The following MTMR10 variants were observed in gnomAD, a reference collection of about 807,000 sequenced individuals.
The protein encoded by MTMR10 is myotubularin related protein 10.
In MTMR10, 56 loss-of-function variants were observed where a neutral mutation model predicts 88.1. The observed-to-expected ratio is 0.64, with a 90% CI of 0.51 to 0.79. MTMR10 has a LOEUF of 0.79. MTMR10 is among the 30% of genes least tolerant of loss of function. The pLI, the probability that MTMR10 is intolerant of heterozygous loss-of-function variation, is 0.00. For synonymous variants in MTMR10, 380 were observed against 340.9 expected (o/e 1.11, Z -1.26); for missense variants, 883 against 924.7 (o/e 0.95, Z 0.58).
chr15:30,948,167 T>C, intron 13 of MTMR10, 135 bp downstream of exon 13: 1 of 708,006 alleles, frequency 1.4e-6, no homozygotes, highest in Middle Eastern at 3.4e-4. Context: ...CTCTAATCCA[T>C]TAGTTAGCTT....
intron 2 of MTMR10, among the ~76,000 whole-genome samples, chr15:30,983,630 AG>A (rs1293981907): frequency 1.3e-5 from 2 of 152,208 alleles, no homozygotes; most frequent in Admixed American, 1.3e-4. Flanking sequence ...GGATGTGTAG[AG>A]GCCAAAAGCA....
At chr15:30,968,823 T>C (rs1391078534) in intron 5 of MTMR10, among the ~76,000 whole-genome samples, 3 of 152,124 alleles carry the variant, frequency 2.0e-5, no homozygotes, top group African/African-American at 4.8e-5. Flanking sequence ...GCTCCATATA[T>C]AGAAATATGG....
At chr15:30,951,900 G>A in intron 12 of MTMR10, 68 bp downstream of exon 12, 3 of 1,300,130 alleles carry the variant, frequency 2.3e-6, no homozygotes, top group Non-Finnish European at 3.3e-6. Context: ...TACTTGAATG[G>A]GGACAAGCAG....
chr15:30,942,383 TATCAAG>T (rs2063085048), intron 15 of MTMR10: 1 of 384,752 alleles, frequency 2.6e-6, no homozygotes, highest in African/African-American at 2.0e-5. Context: ...TGGCCGATTC[TATCAAG>T]AACAATGGCA....
At chr15:30,990,099 T>A (rs780200295) in intron 2 of MTMR10, among the ~76,000 whole-genome samples, 2 of 152,170 alleles carry the variant, frequency 1.3e-5, no homozygotes, top group Non-Finnish European at 2.9e-5. Context: ...AAAGCAGTGA[T>A]TCTCAACTGT....
intron 2 of MTMR10, among the ~76,000 whole-genome samples, chr15:30,988,562 T>G (rs2031101919): frequency 6.6e-6 from 1 of 152,216 alleles, no homozygotes; most frequent in Non-Finnish European, 1.5e-5. Context: ...AGAAACTTGG[T>G]TTACAACTTC....
chr15:30,931,207 A>T, the MTMR10 span, among the ~76,000 whole-genome samples: 1 of 152,200 alleles, frequency 6.6e-6, no homozygotes, highest in East Asian at 1.9e-4. Flanking sequence ...ACCCACAAAA[A>T]ATTTTTTAAA....
At chr15:30,938,793 G>T, downstream of MTMR10, 1 of 491,126 alleles carries the variant, frequency 2.0e-6, no homozygotes, top group Non-Finnish European at 2.6e-6. Context: ...CCGAATTGCT[G>T]TTAAAAAAAG....
intron 6 of MTMR10, 93 bp from the exon 7 acceptor site, chr15:30,961,166 G>A: frequency 6.9e-7 from 1 of 1,445,642 alleles, no homozygotes; most frequent in Non-Finnish European, 9.2e-7. Flanking sequence ...ATACTCTGAT[G>A]TGCTGTCTCT....
In MTMR10 at chr15:30,940,274, A is replaced by G. The variant is rs2062995610; in HGVS notation, c.*1196T>C. On this transcript the variant is annotated 3_prime_UTR_variant, in exon 16 of 16. Transcript: ENST00000435680. ...TAGGCTCTTGTCACACAGTTTGGAA[A>G]TACTTTACTTTAGAGAGATTCAGAT... 1 of 984,894 alleles carries G rather than the reference A, an allele frequency of 1.0e-6. No homozygotes were observed. The highest frequency in any genetic ancestry group is 1.2e-6 in the Non-Finnish European group (1 of 829,712). 61.0% of individuals were successfully genotyped at this position (984,894 alleles called of 1,614,324 possible). A position where few individuals can be genotyped will look rare whatever the true frequency, so the allele number is the denominator to read the frequency against.
chr15:30,925,356 G>A, the MTMR10 span: 1 of 1,445,940 alleles, frequency 6.9e-7, no homozygotes, highest in Non-Finnish European at 9.5e-7. Flanking sequence ...TGGACCAGAA[G>A]CATCCTAAGA....
At chr15:30,923,255 T>C in the MTMR10 span, among the ~76,000 whole-genome samples, 1 of 151,964 alleles carries the variant, frequency 6.6e-6, no homozygotes, top group Non-Finnish European at 1.5e-5. Flanking sequence ...TGGAGGAGGG[T>C]GTGGGGCTTC....
At chr15:30,925,647 G>C in the MTMR10 span, 2 of 955,332 alleles carry the variant, frequency 2.1e-6, no homozygotes, top group South Asian at 3.0e-5. Flanking sequence ...CCGCAGTTCT[G>C]CGTGTGTGAG....
chr15:30,946,756 T>G, intron 14 of MTMR10: 1 of 703,044 alleles, frequency 1.4e-6, no homozygotes, highest in Non-Finnish European at 2.6e-6. Flanking sequence ...AATCTTGTTT[T>G]GTACAACTTT....
the MTMR10 span, among the ~76,000 whole-genome samples, chr15:30,933,936 A>AT: frequency 2.0e-5 from 3 of 151,308 alleles, no homozygotes; most frequent in Non-Finnish European, 2.9e-5. Flanking sequence ...GATTTTTTTT[A>AT]TTTTTTGTAG....
chr15:30,943,543 C>T, intron 14 of MTMR10: 1 of 985,386 alleles, frequency 1.0e-6, no homozygotes, highest in Non-Finnish European at 1.2e-6. Context: ...GGGAGCTACA[C>T]TTCACTGAGC....
At position 30,957,794 on chromosome 15, in the gene MTMR10, G is replaced by A. The variant is rs181065599; in HGVS notation, c.935+1069C>T. 3.9e-5 allele frequency among the ~76,000 whole-genome samples: 6 copies of A among 152,302 alleles called. No homozygotes were observed. In the East Asian group the frequency reaches 5.8e-4, roughly 15 times the overall value. ...AGAAGGCAGTCCAGAAGGGAAGAGCGCTGGACAATGTCAGGAGGTTGAAAA... is the reference window on the plus strand; with the variant it reads ...AGAAGGCAGTCCAGAAGGGAAGAGCACTGGACAATGTCAGGAGGTTGAAAA... On this transcript the variant is annotated intron_variant, in intron 9 of 15. Coordinates refer to ENST00000435680, the MANE Select transcript of MTMR10 (RefSeq NM_017762.3).
chr15:30,966,624 C>G (rs894171703), intron 6 of MTMR10, among the ~76,000 whole-genome samples: 1 of 152,062 alleles, frequency 6.6e-6, no homozygotes. Context: ...GGAGTGTTTA[C>G]CTAATAGTGC....
chr15:30,941,948 T>C lies in MTMR10; in HGVS notation c.1856A>G (p.Gln619Arg). ...CGTATCACTGTTCTGGCTGTCGGTT[T>C]GCTGAGCTGGATCTGGCTTTGGTTT... The part of the protein sequence containing the change: ...ILKPKPDPAQ[Q>R]TDSQNSDTEQ... Residue 619 changes from glutamine (Q) to arginine (R), a missense_variant, in exon 16 of 16, where the codon CAA (glutamine) becomes CGA (arginine). This residue lies in a region of MTMR10 where 343 missense variants were observed against 323.2 expected (regional missense o/e 1.06). Transcript: ENST00000435680. The C allele has an allele frequency of 6.2e-7, 1 of 1,614,076 alleles. No individual in the cohort carries two copies. The highest frequency in any genetic ancestry group is 8.5e-7 in the Non-Finnish European group (1 of 1,179,908).
Sources: gnomAD v4.1 joint callset for allele counts (sites outside exome capture counted in the v4.1 genomes callset) on GRCh38, gnomAD v4.1.1 for gene constraint, gnomAD v4.1.1 regional missense constraint, MANE v1.5 for transcripts, NCBI Gene and HGNC (gene_info 2026-07-23, HGNC 2026-07-21) for gene names.